The following STK32C variants were observed in gnomAD, a reference collection of about 807,000 sequenced individuals.
STK32C encodes serine/threonine kinase 32C, also known as serine/threonine-protein kinase 32C.
Under a neutral mutation model 56.5 loss-of-function variants are expected in STK32C, and 31 were observed. The observed-to-expected ratio is 0.55, with a 90% CI of 0.41 to 0.74. The LOEUF (loss-of-function observed/expected upper bound fraction) is 0.74, where lower values mean the gene tolerates loss of function less well. STK32C is among the 30% of genes least tolerant of loss of function. The pLI is 0.00. For synonymous variants in STK32C, 309 were observed against 289.4 expected (o/e 1.07, Z -0.69); for missense variants, 544 against 676.9 (o/e 0.80, Z 2.18).
downstream of STK32C, among the ~76,000 whole-genome samples, chr10:132,320,536 A>C (rs563540928): frequency 6.6e-6 from 1 of 152,092 alleles, no homozygotes; most frequent in African/African-American, 2.4e-5. Context: ...ACCCCCGCAG[A>C]GGCTGGGGCA....
At chr10:132,284,344 TGGG>T in intron 1 of STK32C, among the ~76,000 whole-genome samples, 3 of 18,426 alleles carry the variant, frequency 1.6e-4, no homozygotes, top group African/African-American at 2.3e-4. Context: ...CAGGTGAGGT[TGGG>T]GGGAACAGGT....
At position 132,249,020 on chromosome 10, in the gene STK32C, CCCTGCACA is replaced by C. The variant is rs746521215; in HGVS notation, c.263-3073_263-3066del. ...AGTCACGGCAATTGGGTCACCTGCG[CCCTGCACA>C]CCTGCAAAGCCTCCCGACTGTGCGA... On this transcript the variant is annotated intron_variant, in intron 1 of 11. Coordinates refer to ENST00000298630, the MANE Select transcript of STK32C (RefSeq NM_173575.4). 6.0e-5 allele frequency: 28 copies of C among 468,396 alleles called. 1 individual carries two copies. Among genetic ancestry groups the C allele is most frequent in the Middle Eastern group, 3.2e-4 (1 of 3,110 alleles). 29.0% of individuals were successfully genotyped at this position (468,396 alleles called of 1,614,324 possible).
At chr10:132,331,673 T>G in exon 1 of STK32C, 1 of 1,612,750 alleles carries the variant, frequency 6.2e-7, no homozygotes. Flanking sequence ...TCTTTTCTGC[T>G]CGGCTGTCCT....
At chr10:132,265,143 G>A (rs2064463036) in intron 1 of STK32C, among the ~76,000 whole-genome samples, 1 of 144,202 alleles carries the variant, frequency 6.9e-6, no homozygotes. Context: ...GCAGTGAGGT[G>A]GGCTCTGGGG....
At chr10:132,245,199 G>A (rs2063643699) in intron 2 of STK32C, among the ~76,000 whole-genome samples, 1 of 152,202 alleles carries the variant, frequency 6.6e-6, no homozygotes, top group Non-Finnish European at 1.5e-5. Flanking sequence ...TGTACAGCCA[G>A]GAGCAGGAGG....
At chr10:132,222,442 C>T (rs1312148084) in intron 10 of STK32C, among the ~76,000 whole-genome samples, 199 bp downstream of exon 10, 6 of 152,236 alleles carry the variant, frequency 3.9e-5, no homozygotes, top group Non-Finnish European at 8.8e-5. Flanking sequence ...TTGTCCCTGC[C>T]CACCTGCTTC....
At chr10:132,280,332 T>A (rs2065134252) in intron 1 of STK32C, among the ~76,000 whole-genome samples, 1 of 104,420 alleles carries the variant, frequency 9.6e-6, no homozygotes, top group Non-Finnish European at 1.9e-5. Flanking sequence ...ACTCCCTGAC[T>A]ATGCTGAGGC....
rs577792317 is a variant in STK32C, at chr10:132,230,451, G to A, written c.319-2323C>T. On this transcript the variant is annotated intron_variant, in intron 2 of 11. Transcript: ENST00000298630. ...CGCAGAAGCAACGGTGCTTTCCTGC[G>A]CCAGCCCCAGCACCCGCGGCCTCCT... is the stretch of plus-strand genomic sequence containing the variant. Among the ~76,000 whole-genome samples, 7 of 152,332 alleles carry A rather than the reference G, an allele frequency of 4.6e-5. No homozygotes were observed. In the East Asian group the frequency reaches 1.4e-3, roughly 29 times the overall value.
chr10:132,282,486 TGTGCCTGC>T (rs2065245782), intron 1 of STK32C, among the ~76,000 whole-genome samples: 1 of 106,452 alleles, frequency 9.4e-6, no homozygotes, highest in African/African-American at 5.6e-5. Flanking sequence ...TGCGCCCACC[TGTGCCTGC>T]GCCCACCTGT....
upstream of STK32C, among the ~76,000 whole-genome samples, chr10:132,310,712 A>G (rs1280953482): frequency 1.3e-5 from 2 of 152,202 alleles, no homozygotes; most frequent in East Asian, 3.8e-4. This position sits in a 1 kb window ranked among gnomAD's most constrained non-coding sequence, Gnocchi z 4.6. Context: ...CCAAGTGACA[A>G]TGTGACAGAT....
At chr10:132,277,531 C>T (rs1404885621) in intron 1 of STK32C, among the ~76,000 whole-genome samples, 2 of 152,236 alleles carry the variant, frequency 1.3e-5, no homozygotes, top group Non-Finnish European at 2.9e-5. Context: ...GCAGCTGGAG[C>T]TCACTGAGAG....
At chr10:132,224,216 C>G (rs2062790788) in intron 8 of STK32C, among the ~76,000 whole-genome samples, 191 bp downstream of exon 8, 1 of 152,190 alleles carries the variant, frequency 6.6e-6, no homozygotes, top group East Asian at 1.9e-4. Context: ...GGCCACAGAG[C>G]CTGCCACCAG....
chr10:132,236,447 G>A (rs911563083), intron 2 of STK32C, among the ~76,000 whole-genome samples: 4 of 152,202 alleles, frequency 2.6e-5, no homozygotes, highest in East Asian at 1.9e-4. Context: ...CACCGTGCAC[G>A]GGCCCCACAC....
Position 132,240,068 on chromosome 10 carries a change from G to A in STK32C, c.318+5832C>T, listed in dbSNP as rs536304530. On this transcript the variant is annotated intron_variant, in intron 2 of 11. Coordinates refer to ENST00000298630, the MANE Select transcript of STK32C (RefSeq NM_173575.4). Reference sequence around the variant, plus strand: ...GCCATCCTGGTGGCCTGGAGAGCACGAGGCCCCCCCCAAAGAAGACCCCCA... The same window carrying A: ...GCCATCCTGGTGGCCTGGAGAGCACAAGGCCCCCCCCAAAGAAGACCCCCA... 1.3e-3 allele frequency among the ~76,000 whole-genome samples: 193 copies of A among 152,268 alleles called. 2 individuals are homozygous for A. Among genetic ancestry groups the A allele is most frequent in the African/African-American group, 4.4e-3 (184 of 41,534 alleles).
chr10:132,262,916 G>A (rs978327464), intron 1 of STK32C, among the ~76,000 whole-genome samples: 3 of 141,844 alleles, frequency 2.1e-5, no homozygotes, highest in South Asian at 2.1e-4. Flanking sequence ...CAGTCAGGAC[G>A]ACTGTTATTA....
intron 1 of STK32C, 26 bp from the exon 2 acceptor site, chr10:132,245,981 T>C: frequency 6.2e-7 from 1 of 1,612,298 alleles, no homozygotes; most frequent in Non-Finnish European, 8.5e-7. Context: ...GAGGGACACC[T>C]GGTGAGGTGG....
At chr10:132,291,174 G>A (rs1321353315) in intron 1 of STK32C, among the ~76,000 whole-genome samples, 1 of 152,202 alleles carries the variant, frequency 6.6e-6, no homozygotes, top group Admixed American at 6.5e-5. Flanking sequence ...AATTAGCTCG[G>A]CGGTGGCTGA....
upstream of STK32C, among the ~76,000 whole-genome samples, chr10:132,310,389 T>C (rs780456935): frequency 1.3e-5 from 2 of 152,214 alleles, no homozygotes; most frequent in Non-Finnish European, 2.9e-5. The surrounding 1 kb of genome is among the most constrained non-coding windows in gnomAD (Gnocchi z 4.6). Flanking sequence ...ACTCTTGTAC[T>C]GTCCAGCCAC....
chr10:132,299,028 A>G (rs11599745), intron 1 of STK32C, among the ~76,000 whole-genome samples: 65,372 of 151,742 alleles, frequency 0.43, 15,853 homozygotes, highest in African/African-American at 0.65. Context: ...GAGACCCCAG[A>G]ACAAGACCCA....
Sources: allele counts gnomAD v4.1 joint callset (sites outside exome capture counted in the v4.1 genomes callset), GRCh38; gene constraint gnomAD v4.1.1; non-coding constraint Gnocchi (gnomAD v3.1); transcripts MANE v1.5; gene names NCBI Gene and HGNC (gene_info 2026-07-23, HGNC 2026-07-21).